The following SSX2IP variants were observed in gnomAD, a reference collection of about 807,000 sequenced individuals.
The protein encoded by SSX2IP is SSX family member 2 interacting protein.
SSX2IP carries 55 observed loss-of-function variants against 84.9 expected under a neutral mutation model. The observed-to-expected ratio is 0.65, with a 90% confidence interval of 0.52 to 0.81. SSX2IP has a LOEUF of 0.81. Ranked by LOEUF, SSX2IP falls within the 30% of genes least tolerant of loss-of-function variation. SSX2IP has a pLI of 0.00. For missense variants in SSX2IP, 664 were observed against 705.2 expected (o/e 0.94, Z 0.66); for synonymous variants, 239 against 234.7 (o/e 1.02, Z -0.17).
intron 12 of SSX2IP, 145 bp downstream of exon 12, chr1:84,651,733 CAAACA>C: frequency 3.6e-6 from 2 of 554,736 alleles, no homozygotes; most frequent in African/African-American, 4.0e-5. Context: ...GTCTCAAAAA[CAAACA>C]AAAAAAAGTT....
intron 3 of SSX2IP, 38 bp from the exon 4 acceptor site, chr1:84,669,931 T>C: frequency 1.3e-6 from 2 of 1,499,832 alleles, no homozygotes; most frequent in Non-Finnish European, 1.8e-6. Context: ...TTGGTTACAG[T>C]TGAGGAGATA....
intron 3 of SSX2IP, chr1:84,670,330 G>A (rs1438856404): frequency 7.3e-5 from 14 of 190,860 alleles, no homozygotes; most frequent in Non-Finnish European, 1.3e-4. Context: ...AAAGAGTTAA[G>A]AGGACGGGGC....
intron 8 of SSX2IP, among the ~76,000 whole-genome samples, chr1:84,661,344 A>C (rs945793750): frequency 1.3e-5 from 2 of 151,984 alleles, no homozygotes; most frequent in Admixed American, 1.3e-4. Flanking sequence ...TGAACTTTTC[A>C]CCATTATGTG....
chr1:84,690,299 C>G (rs1212201604), intron 1 of SSX2IP, 72 bp downstream of exon 1: 1 of 151,244 alleles, frequency 6.6e-6, no homozygotes, highest in Non-Finnish European at 1.5e-5. Flanking sequence ...CGCCCCTTGC[C>G]GGCGCCCACC....
chr1:84,657,624 G>A (rs1032164966), intron 9 of SSX2IP, among the ~76,000 whole-genome samples: 1 of 152,118 alleles, frequency 6.6e-6, no homozygotes, highest in Non-Finnish European at 1.5e-5. Flanking sequence ...ACATGAATAA[G>A]ATCTTTAGTG....
Position 84,664,552 on chromosome 1 carries a change from C to G in SSX2IP, c.538G>C (p.Val180Leu). 1 of 1,565,620 alleles carries G rather than the reference C, an allele frequency of 6.4e-7. No homozygotes were observed. Among genetic ancestry groups the G allele is most frequent in the Non-Finnish European group, 8.6e-7 (1 of 1,162,552 alleles). Residue 180 changes from valine to leucine, a missense_variant and splice_region_variant, in exon 6 of 14, where the codon GTG becomes CTG. By Grantham distance (32) the Val-to-Leu change is conservative. Transcript: ENST00000342203. ...HQLLKNEKDE[V>L]QKLQNIIASR... ...GCAATGATATTTTGTAATTTTTGCACCTGAAAAAGGCATTTGCTATTATAA... is the reference window on the plus strand; with the variant it reads ...GCAATGATATTTTGTAATTTTTGCAGCTGAAAAAGGCATTTGCTATTATAA...
intron 11 of SSX2IP, among the ~76,000 whole-genome samples, chr1:84,652,708 C>A (rs1256663535): frequency 6.6e-6 from 1 of 150,646 alleles, no homozygotes; most frequent in Non-Finnish European, 1.5e-5. Flanking sequence ...CCTGCCTGGG[C>A]AACAAAGCAA....
rs1460039266 is a variant in SSX2IP at position 84,647,043 on chromosome 1, C to T, written c.*390G>A. ...TAGAACTCGCTTTGTTAAAAATCTA[C>T]AGTATACATTCAAGTAAAGGCTAAA... On this transcript the variant is annotated 3_prime_UTR_variant, in exon 14 of 14. Transcript: ENST00000342203. 2 of 154,986 alleles carry T rather than the reference C, an allele frequency of 1.3e-5. No individual in the cohort carries two copies. Among genetic ancestry groups the T allele is most frequent in the Non-Finnish European group, 1.4e-5 (1 of 69,760 alleles). 9.6% of individuals were successfully genotyped at this position (154,986 alleles called of 1,614,324 possible). A position where few individuals can be genotyped will look rare whatever the true frequency, so the allele number is the denominator to read the frequency against.
chr1:84,647,874 TG>T (rs1367547763), intron 13 of SSX2IP, among the ~76,000 whole-genome samples: 1 of 152,034 alleles, frequency 6.6e-6, no homozygotes, highest in African/African-American at 2.4e-5. Context: ...GGTGAAACCC[TG>T]TCTCTACAAA....
In SSX2IP at chr1:84,662,216, T is replaced by C. The variant is rs1330277464; in HGVS notation, c.909A>G (p.Val303=). The C allele has an allele frequency of 6.3e-7, 1 of 1,595,656 alleles. No individual in the cohort carries two copies. The highest frequency in any genetic ancestry group is 1.8e-5 in the Admixed American group (1 of 56,682). The part of the protein sequence containing the change: ...SPQKKKPRER[V]DDSTGTVISD... ...CACTTACAGTTCCTGTACTATCATC[T>C]ACTCTTTCTCTAGGTTTCTTCTTTT... Residue 303 remains valine (V), a synonymous_variant, in exon 8 of 14, where the codon GTA becomes GTG. Transcript: ENST00000342203.
chr1:84,688,799 T>C (rs1318556852), intron 1 of SSX2IP, among the ~76,000 whole-genome samples: 1 of 152,218 alleles, frequency 6.6e-6, no homozygotes, highest in African/African-American at 2.4e-5. Flanking sequence ...TCTTCACAGT[T>C]ATCTTCAAGC....
intron 1 of SSX2IP, among the ~76,000 whole-genome samples, chr1:84,681,879 A>G (rs997433448): frequency 2.0e-5 from 3 of 152,196 alleles, no homozygotes; most frequent in African/African-American, 7.2e-5. Context: ...GGGAACAGAA[A>G]TACAGAGGCC....
At chr1:84,677,728 T>A (rs1006292598) in intron 1 of SSX2IP, among the ~76,000 whole-genome samples, 8 of 152,174 alleles carry the variant, frequency 5.3e-5, no homozygotes, top group African/African-American at 1.9e-4. Flanking sequence ...TGTAAGCAAC[T>A]CTATGAGAGG....
chr1:84,650,115 G>A (rs1347125924), intron 13 of SSX2IP: 1 of 617,506 alleles, frequency 1.6e-6, no homozygotes, highest in Non-Finnish European at 2.9e-6. Context: ...GAAATAAAAA[G>A]ACACACATCA....
upstream of SSX2IP, chr1:84,690,571 C>G (rs1480601687): frequency 3.9e-5 from 6 of 152,398 alleles, no homozygotes; most frequent in South Asian, 1.2e-3. Context: ...CGCGCGCCGG[C>G]GCCGCAGGCC....
At chr1:84,660,218 T>G (rs1651736156) in intron 8 of SSX2IP, among the ~76,000 whole-genome samples, 1 of 152,140 alleles carries the variant, frequency 6.6e-6, no homozygotes, top group Admixed American at 6.5e-5. Flanking sequence ...CTAGAATATA[T>G]ATTTAAGAGG....
rs764470918 is a variant in SSX2IP at position 84,669,754 on chromosome 1, T to C, written c.353A>G (p.Glu118Gly). The change falls in exon 4 of 14, where the codon GAA becomes GGA. Residue 118 changes from glutamate to glycine, a missense_variant. Coordinates refer to ENST00000342203, the MANE Select transcript of SSX2IP (RefSeq NM_001166293.2). The part of the protein sequence containing the change: ...VLQRKNLLAQ[E>G]NVETQNLKLG... ...CTTCAAATTCTGTGTCTCCACATTT[T>C]CCTGAGCTAGAAGGTTCTTCCGCTG... 7 of 1,613,776 alleles carry C rather than the reference T, an allele frequency of 4.3e-6. No individual in the cohort carries two copies. The highest frequency in any genetic ancestry group is 5.9e-6 in the Non-Finnish European group (7 of 1,179,820).
chr1:84,666,306 A>G, intron 4 of SSX2IP, 74 bp from the exon 5 acceptor site: 1 of 1,094,720 alleles, frequency 9.1e-7, no homozygotes, highest in Non-Finnish European at 1.4e-6. Flanking sequence ...AAATATCAGT[A>G]ACAAGAAGTT....
At position 84,647,610 on chromosome 1, in the gene SSX2IP, G is replaced by T. The variant is rs759106569; in HGVS notation, c.1671-3C>A. Reference sequence around the variant, plus strand: ...TTATATTCAGTACATTGATTGAACTGTTGGGAAAAGAAAGGCAGATCTTAG... The same window carrying T: ...TTATATTCAGTACATTGATTGAACTTTTGGGAAAAGAAAGGCAGATCTTAG... On this transcript the variant is annotated splice_region_variant and splice_polypyrimidine_tract_variant and intron_variant, in intron 13 of 13. Transcript: ENST00000342203. 3 of 1,573,048 alleles carry T rather than the reference G, an allele frequency of 1.9e-6. No homozygotes were observed. The South Asian group carries it at 3.5e-5, about 19-fold the overall frequency.
Sources: allele counts gnomAD v4.1 joint callset (sites outside exome capture counted in the v4.1 genomes callset), GRCh38; gene constraint gnomAD v4.1.1; transcripts MANE v1.5; gene names NCBI Gene and HGNC (gene_info 2026-07-23, HGNC 2026-07-21).